ADAMTS12: variants seen among roughly 807,000 people sequenced by gnomAD.
ADAMTS12 encodes the protein A disintegrin and metalloproteinase with thrombospondin motifs 12.
In ADAMTS12, 118 loss-of-function variants were observed where a neutral mutation model predicts 167.8. That is an observed-to-expected ratio of 0.70 (90% CI 0.61 to 0.82). The LOEUF is 0.82. ADAMTS12 is among the 40% of genes least tolerant of loss of function. The pLI is 0.00. For synonymous variants in ADAMTS12, 704 were observed against 716.9 expected, an observed-to-expected ratio of 0.98 and a Z score of 0.29; for missense variants, 1,916 against 1,998.8, an observed-to-expected ratio of 0.96 and a Z score of 0.79.
At chr5:33,870,707 G>A (rs1750006177) in intron 2 of ADAMTS12, among the ~76,000 whole-genome samples, 2 of 152,164 alleles carry the variant, frequency 1.3e-5, no homozygotes, top group Non-Finnish European at 2.9e-5. Context: ...GGAGGGGACT[G>A]ATGGGAGGTG....
At chr5:33,694,735 AT>A (rs1742690343) in intron 3 of ADAMTS12, among the ~76,000 whole-genome samples, 1 of 152,230 alleles carries the variant, frequency 6.6e-6, no homozygotes, top group Non-Finnish European at 1.5e-5. Flanking sequence ...ACAAAATGAG[AT>A]GTGCTGGCTA....
intron 2 of ADAMTS12, 57 bp downstream of exon 2, chr5:33,881,062 C>T (rs1750417528): frequency 6.4e-7 from 1 of 1,574,390 alleles, no homozygotes; most frequent in Non-Finnish European, 8.6e-7. Flanking sequence ...AGTAGGTCTA[C>T]CAGCTGAGAC....
chr5:33,806,049 C>CT (rs1344438836), intron 2 of ADAMTS12, among the ~76,000 whole-genome samples: 1 of 152,006 alleles, frequency 6.6e-6, no homozygotes, highest in East Asian at 1.9e-4. Context: ...AAATTAGATA[C>CT]TTTTTTACAA....
intron 19 of ADAMTS12, among the ~76,000 whole-genome samples, chr5:33,566,343 G>T (rs1746012937): frequency 6.6e-6 from 1 of 152,130 alleles, no homozygotes; most frequent in African/African-American, 2.4e-5. Context: ...GTTGGCACCT[G>T]TTCCTATCTA....
chr5:33,559,017 G>T (rs73078372), intron 20 of ADAMTS12, among the ~76,000 whole-genome samples: 10,084 of 152,186 alleles, frequency 0.066, 1,100 homozygotes, highest in African/African-American at 0.23. Context: ...GAAAGGGTCC[G>T]AAAGACCGAC....
chr5:33,598,534 C>T (rs2112042525), intron 16 of ADAMTS12, among the ~76,000 whole-genome samples: 1 of 152,262 alleles, frequency 6.6e-6, no homozygotes, highest in East Asian at 1.9e-4. Context: ...GGGCAGGAAG[C>T]TCAGCTAGTT....
intron 2 of ADAMTS12, among the ~76,000 whole-genome samples, chr5:33,770,666 TC>T (rs1316498951): frequency 1.3e-5 from 2 of 151,894 alleles, no homozygotes; most frequent in Non-Finnish European, 2.9e-5. Flanking sequence ...TCTGCCCTCA[TC>T]CCCCACCCCC....
chr5:33,739,621 G>C (rs985536773), intron 3 of ADAMTS12, among the ~76,000 whole-genome samples: 1 of 152,132 alleles, frequency 6.6e-6, no homozygotes, highest in Non-Finnish European at 1.5e-5. Context: ...GTCCAGACTC[G>C]GTTTCTAGGA....
chr5:33,771,452 A>G (rs1011246466), intron 2 of ADAMTS12, among the ~76,000 whole-genome samples: 5 of 152,184 alleles, frequency 3.3e-5, no homozygotes, highest in Admixed American at 3.3e-4. Context: ...TCATCAACAC[A>G]TTAATGGTAT....
chr5:33,712,557 T>C (rs905621549), intron 3 of ADAMTS12, among the ~76,000 whole-genome samples: 2 of 152,056 alleles, frequency 1.3e-5, no homozygotes, highest in Admixed American at 6.6e-5. Context: ...AGGTACTGAG[T>C]GAAGTAGTTA....
intron 3 of ADAMTS12, among the ~76,000 whole-genome samples, chr5:33,692,858 T>C (rs762427548): frequency 1.3e-5 from 2 of 152,228 alleles, no homozygotes; most frequent in African/African-American, 2.4e-5. Flanking sequence ...ATATTTACTC[T>C]TGTTCCGGAG....
intron 2 of ADAMTS12, among the ~76,000 whole-genome samples, chr5:33,757,041 A>G (rs1358539582): frequency 6.6e-6 from 1 of 152,230 alleles, no homozygotes; most frequent in African/African-American, 2.4e-5. Context: ...AGTGGCTCCA[A>G]TATTGGACAG....
At chr5:33,880,919 CT>C in intron 2 of ADAMTS12, 199 bp downstream of exon 2, 1 of 719,744 alleles carries the variant, frequency 1.4e-6, no homozygotes. Context: ...CCTCAGTGCC[CT>C]TACTCTTTGT....
chr5:33,586,614 G>C (rs56753511), intron 18 of ADAMTS12, among the ~76,000 whole-genome samples: 6,858 of 152,290 alleles, frequency 0.045, 477 homozygotes, highest in African/African-American at 0.15. Context: ...TGTAATTGCA[G>C]TCCTCTGAAA....
chr5:33,561,290 C>A, intron 19 of ADAMTS12, 111 bp from the exon 20 acceptor site: 1 of 1,356,516 alleles, frequency 7.4e-7, no homozygotes, highest in Non-Finnish European at 9.9e-7. Flanking sequence ...ACATTGCCCA[C>A]AGAGCTTTTT....
At chr5:33,819,322 A>C (rs974428520) in intron 2 of ADAMTS12, among the ~76,000 whole-genome samples, 1 of 152,116 alleles carries the variant, frequency 6.6e-6, no homozygotes, top group Non-Finnish European at 1.5e-5. Flanking sequence ...AGCATCATTT[A>C]TTTAAGAGAC....
At chr5:33,833,560 T>A (rs1476930636) in intron 2 of ADAMTS12, among the ~76,000 whole-genome samples, 2 of 152,086 alleles carry the variant, frequency 1.3e-5, no homozygotes, top group African/African-American at 2.4e-5. Flanking sequence ...TCAAACTGTA[T>A]AATTCACACA....
rs554858835 is a variant in ADAMTS12 at position 33,641,540 on chromosome 5, G to A, written c.1718+270C>T. 4.6e-5 allele frequency among the ~76,000 whole-genome samples: 7 copies of A among 152,262 alleles called. No homozygotes were observed. In the East Asian group the frequency reaches 1.4e-3, roughly 29 times the overall value. ...TTTCACATAGATTGCACATTTAAAA[G>A]AAATTTGCTTTATTTCCCCAAATGA... On this transcript the variant is annotated intron_variant, in intron 11 of 23. Coordinates refer to ENST00000504830, the MANE Select transcript of ADAMTS12 (RefSeq NM_030955.4).
At chr5:33,565,281 G>A (rs551027868) in intron 19 of ADAMTS12, among the ~76,000 whole-genome samples, 3 of 152,148 alleles carry the variant, frequency 2.0e-5, no homozygotes, top group East Asian at 3.9e-4. Context: ...TCAGGCTCCC[G>A]AGTAGCTGGA....
Sources: gnomAD v4.1 joint callset for allele counts (sites outside exome capture counted in the v4.1 genomes callset) on GRCh38, gnomAD v4.1.1 for gene constraint, MANE v1.5 for transcripts, NCBI Gene and HGNC (gene_info 2026-07-23, HGNC 2026-07-21) for gene names.